Variants in USP6NL observed in about 807,000 individuals in gnomAD.
USP6NL encodes the protein USP6 N-terminal-like protein.
USP6NL carries 26 observed loss-of-function variants against 61.9 expected under a neutral mutation model. That is an observed-to-expected ratio of 0.42 (90% confidence interval 0.31 to 0.58). USP6NL has a LOEUF of 0.58. Among genes scored for constraint, USP6NL ranks in the 20% least tolerant of loss-of-function variants. The pLI, the probability that USP6NL is intolerant of heterozygous loss-of-function variation, is 0.16. For synonymous variants in USP6NL, 432 were observed against 390.1 expected, an observed-to-expected ratio of 1.11 and a Z score of -1.27; for missense variants, 1,114 against 1,034.3, an observed-to-expected ratio of 1.08 and a Z score of -1.06.
intron 7 of USP6NL, among the ~76,000 whole-genome samples, chr10:11,493,949 C>G (rs564318972): frequency 6.6e-6 from 1 of 152,354 alleles, no homozygotes; most frequent in Non-Finnish European, 1.5e-5. Flanking sequence ...TCTCCACCTG[C>G]TGGGGTGGTT....
At chr10:11,523,126 T>C (rs1369579793) in intron 4 of USP6NL, among the ~76,000 whole-genome samples, 10 of 152,364 alleles carry the variant, frequency 6.6e-5, no homozygotes, top group Admixed American at 6.5e-4. Flanking sequence ...TAGAGCCAAA[T>C]GGACCTTAGC....
At chr10:11,488,287 C>A (rs771000202) in intron 10 of USP6NL, among the ~76,000 whole-genome samples, 1 of 152,004 alleles carries the variant, frequency 6.6e-6, no homozygotes, top group African/African-American at 2.4e-5. Flanking sequence ...GAGGCACATG[C>A]CTGTGTGGTT....
intron 2 of USP6NL, among the ~76,000 whole-genome samples, chr10:11,535,375 G>A (rs181001144): frequency 6.1e-4 from 93 of 152,260 alleles, no homozygotes; most frequent in African/African-American, 2.2e-3. Context: ...AATGAACTAA[G>A]AGAAACTTAG....
chr10:11,481,495 T>G lies in USP6NL; in HGVS notation c.1078+275A>C, dbSNP rs781642715. On this transcript the variant is annotated intron_variant, in intron 14 of 14. Coordinates refer to ENST00000609104, the MANE Select transcript of USP6NL (RefSeq NM_014688.5). This position sits in a 1 kb window ranked among gnomAD's most constrained non-coding sequence, Gnocchi z 4.4. Reference sequence around the variant, plus strand: ...GCTCGTTTAAAGCACCATGGCTACTTCTGTTGAACAACAGTATTTGCCAAC... The same window carrying G: ...GCTCGTTTAAAGCACCATGGCTACTGCTGTTGAACAACAGTATTTGCCAAC... Among the ~76,000 whole-genome samples, 1 of 152,270 alleles carries G rather than the reference T, an allele frequency of 6.6e-6. No homozygotes were observed. Among genetic ancestry groups the G allele is most frequent in the Admixed American group, 6.5e-5 (1 of 15,288 alleles).
At position 11,575,303 on chromosome 10, in the gene USP6NL, C is replaced by T. The variant is rs1176584248; in HGVS notation, c.4+22328G>A. Among the ~76,000 whole-genome samples the T allele has an allele frequency of 6.6e-6, 1 of 152,184 alleles. No individual in the cohort carries two copies. Among genetic ancestry groups the T allele is most frequent in the African/African-American group, 2.4e-5 (1 of 41,440 alleles). On this transcript the variant is annotated intron_variant, in intron 2 of 14. Transcript: ENST00000609104. The surrounding 1 kb of genome is among the most constrained non-coding windows in gnomAD (Gnocchi z 4.2). Reference sequence around the variant, plus strand: ...CTGTGCCTCATCCCACTTCCTAGGGCAGTTTGGGACACGTAATAAGTGTTA... The same window carrying T: ...CTGTGCCTCATCCCACTTCCTAGGGTAGTTTGGGACACGTAATAAGTGTTA...
rs187064662 is a variant in USP6NL at position 11,470,337 on chromosome 10, C to G, written c.1079-6488G>C. Among the ~76,000 whole-genome samples the G allele has an allele frequency of 4.2e-3, 634 of 152,294 alleles. 3 individuals are homozygous for G. Among genetic ancestry groups the G allele is most frequent in the Non-Finnish European group, 6.2e-3 (420 of 68,018 alleles). On this transcript the variant is annotated intron_variant, in intron 14 of 14. Coordinates refer to ENST00000609104, the MANE Select transcript of USP6NL (RefSeq NM_014688.5). This position sits in a 1 kb window ranked among gnomAD's most constrained non-coding sequence, Gnocchi z 5.4. ...GGGACAGAGGCCTCGGCTCCACCAG[C>G]AATACGGAACCCAAGGACGCCATGC...
rs2096213707 is a variant in USP6NL, at chr10:11,461,425, TAA to T, written c.*1014_*1015del. On this transcript the variant is annotated 3_prime_UTR_variant, in exon 15 of 15. Coordinates refer to ENST00000609104, the MANE Select transcript of USP6NL (RefSeq NM_014688.5). ...AGCAATATCCGTCGACTACATTCCA[TAA>T]AGAGGACAGAAATGGATTGTATAAA... 6.6e-6 allele frequency: 1 copy of T among 152,152 alleles called. No individual in the cohort carries two copies. Among genetic ancestry groups the T allele is most frequent in the East Asian group, 1.9e-4 (1 of 5,196 alleles). The allele number at this position is 152,152 out of a possible 1,614,324, so 9.4% of individuals were successfully genotyped here.
rs1837945870 is a variant in USP6NL at position 11,585,947 on chromosome 10, G to C, written c.4+11684C>G. Reference sequence around the variant, plus strand: ...GGGAAGAGGAAGAAACAGAGCATTAGTGTTTAATGGGTACAGAGCCTCCAG... The same window carrying C: ...GGGAAGAGGAAGAAACAGAGCATTACTGTTTAATGGGTACAGAGCCTCCAG... On this transcript the variant is annotated intron_variant, in intron 2 of 14. Transcript: ENST00000609104. This position sits in a 1 kb window ranked among gnomAD's most constrained non-coding sequence, Gnocchi z 4.5. Among the ~76,000 whole-genome samples the C allele has an allele frequency of 6.6e-6, 1 of 152,174 alleles. No individual in the cohort carries two copies. The highest frequency in any genetic ancestry group is 1.5e-5 in the Non-Finnish European group (1 of 68,036).
intron 2 of USP6NL, among the ~76,000 whole-genome samples, chr10:11,572,623 T>C (rs142823982): frequency 0.016 from 2,407 of 152,190 alleles, 32 homozygotes; most frequent in Non-Finnish European, 0.021. Context: ...TCTCATAAGC[T>C]TTACTTTAAA....
At chr10:11,515,188 ATTTG>A (rs1834902937) in intron 5 of USP6NL, among the ~76,000 whole-genome samples, 1 of 152,210 alleles carries the variant, frequency 6.6e-6, no homozygotes, top group Non-Finnish European at 1.5e-5. Flanking sequence ...TTCAATAATC[ATTTG>A]TTGAATCATC....
rs144848541 is a variant in USP6NL at position 11,571,540 on chromosome 10, C to A, written c.4+26091G>T. ...TACTTCTAGGATAATTTTCTCTTCACAAATCAATTTTTCATACTATTTATA... is the reference window on the plus strand; with the variant it reads ...TACTTCTAGGATAATTTTCTCTTCAAAAATCAATTTTTCATACTATTTATA... On this transcript the variant is annotated intron_variant, in intron 2 of 14. Transcript: ENST00000609104. Among the ~76,000 whole-genome samples, 19 of 152,144 alleles carry A rather than the reference C, an allele frequency of 1.2e-4. No homozygotes were observed. In the East Asian group the frequency reaches 3.5e-3, roughly 28 times the overall value.
At chr10:11,607,015 C>T (rs1007555530) in intron 1 of USP6NL, among the ~76,000 whole-genome samples, 30 of 152,260 alleles carry the variant, frequency 2.0e-4, no homozygotes, top group Middle Eastern at 3.4e-3. Context: ...GCCTCAAACT[C>T]CTGGCCTCAT....
intron 14 of USP6NL, among the ~76,000 whole-genome samples, chr10:11,477,704 G>A (rs1833029551): frequency 6.6e-6 from 1 of 152,142 alleles, no homozygotes; most frequent in Admixed American, 6.5e-5. Context: ...ATGTTAGACA[G>A]TATAAATCAG....
At position 11,561,174 on chromosome 10, in the gene USP6NL, C is replaced by T. The variant is rs771909857; in HGVS notation, c.5-33607G>A. ...CCAGAATAGCTAAAATATGTTTGTGCTTTATACATCCAAAAAAAATAACAT... is the reference window on the plus strand; with the variant it reads ...CCAGAATAGCTAAAATATGTTTGTGTTTTATACATCCAAAAAAAATAACAT... On this transcript the variant is annotated intron_variant, in intron 2 of 14. Coordinates refer to ENST00000609104, the MANE Select transcript of USP6NL (RefSeq NM_014688.5). This position sits in a 1 kb window ranked among gnomAD's most constrained non-coding sequence, Gnocchi z 4.1. 6.6e-6 allele frequency among the ~76,000 whole-genome samples: 1 copy of T among 152,112 alleles called. No individual in the cohort carries two copies. The highest frequency in any genetic ancestry group is 1.9e-4 in the East Asian group (1 of 5,198).
At position 11,485,297 on chromosome 10, in the gene USP6NL, T is replaced by G; in HGVS notation, c.760-63A>C. ...CAAACTAAATTTAACAAAATAATAC[T>G]AAGTTAGGAAGGCTGTTGGATGCAG... On this transcript the variant is annotated intron_variant, in intron 11 of 14. Transcript: ENST00000609104. The surrounding 1 kb of genome is among the most constrained non-coding windows in gnomAD (Gnocchi z 4.8). The G allele has an allele frequency of 7.4e-7, 1 of 1,347,892 alleles. No individual in the cohort carries two copies. The highest frequency in any genetic ancestry group is 1.0e-6 in the Non-Finnish European group (1 of 999,014). The allele number at this position is 1,347,892 out of a possible 1,614,324, so 83.5% of individuals were successfully genotyped here.
rs764017287 is a variant in USP6NL, at chr10:11,463,606, T to C, written c.1322A>G (p.Lys441Arg). 4 of 1,613,876 alleles carry C rather than the reference T, an allele frequency of 2.5e-6. No homozygotes were observed. The highest frequency in any genetic ancestry group is 3.4e-6 in the Non-Finnish European group (4 of 1,179,890). Residue 441 changes from lysine (K) to arginine (R), a missense_variant, in exon 15 of 15, where the codon AAA becomes AGA. By Grantham distance (26) the Lys-to-Arg change is conservative (BLOSUM62 2). Coordinates refer to ENST00000609104, the MANE Select transcript of USP6NL (RefSeq NM_014688.5). This position sits in a 1 kb window ranked among gnomAD's most constrained non-coding sequence, Gnocchi z 6.3. ...PRRKSVEEESKKLKDEADFQR... is the reference protein window; with the variant it reads ...PRRKSVEEESRKLKDEADFQR... ...AAAATCTGCCTCATCTTTAAGCTTT[T>C]TGCTCTCCTCCTCCACCGATTTCCG...
intron 2 of USP6NL, among the ~76,000 whole-genome samples, chr10:11,566,072 T>TA (rs1837140581): frequency 6.6e-6 from 1 of 152,060 alleles, no homozygotes; most frequent in South Asian, 2.1e-4. Flanking sequence ...ATTAATGGAA[T>TA]AAAACACAGG....
At chr10:11,526,355 T>A (rs1835420857) in intron 3 of USP6NL, among the ~76,000 whole-genome samples, 2 of 152,258 alleles carry the variant, frequency 1.3e-5, no homozygotes, top group African/African-American at 4.8e-5. Context: ...GGGAGCATCC[T>A]GTAGGCAAGG....
chr10:11,603,155 C>T (rs1215889276), intron 1 of USP6NL, among the ~76,000 whole-genome samples: 1 of 152,124 alleles, frequency 6.6e-6, no homozygotes, highest in Non-Finnish European at 1.5e-5. Context: ...CTGGTTTCAT[C>T]GGTTTCTTTA....
Sources: allele counts gnomAD v4.1 joint callset (sites outside exome capture counted in the v4.1 genomes callset), GRCh38; gene constraint gnomAD v4.1.1; non-coding constraint Gnocchi (gnomAD v3.1); transcripts MANE v1.5; gene names NCBI Gene and HGNC (gene_info 2026-07-23, HGNC 2026-07-21).